The following CDH11 variants were observed in gnomAD, a reference collection of about 807,000 sequenced individuals.
CDH11 encodes cadherin 11, also known as cadherin-11.
Under a neutral mutation model 67.8 loss-of-function variants are expected in CDH11, and 11 were observed. The observed-to-expected ratio is 0.16, with a 90% CI of 0.10 to 0.27. The LOEUF is 0.27. CDH11 is among the 10% of genes least tolerant of loss of function. The pLI, the probability that CDH11 is intolerant of heterozygous loss-of-function variation, is 1.00. For missense variants in CDH11, 847 were observed against 1,031.2 expected, an observed-to-expected ratio of 0.82 and a Z score of 2.45; for synonymous variants, 419 against 400.0, an observed-to-expected ratio of 1.05 and a Z score of -0.57.
intron 1 of CDH11, among the ~76,000 whole-genome samples, chr16:65,096,769 T>C (rs1272720403): frequency 1.3e-5 from 2 of 152,028 alleles, no homozygotes; most frequent in Non-Finnish European, 2.9e-5. Flanking sequence ...TAATACCTTA[T>C]GTATATATTA....
At chr16:65,071,811 C>T (rs995982332) in intron 1 of CDH11, among the ~76,000 whole-genome samples, 13 of 152,098 alleles carry the variant, frequency 8.5e-5, no homozygotes, top group Middle Eastern at 3.2e-3. Flanking sequence ...TGACCCGAGC[C>T]GAAAGTACAG....
chr16:65,078,023 T>C (rs2074544836), intron 1 of CDH11, among the ~76,000 whole-genome samples: 1 of 152,230 alleles, frequency 6.6e-6, no homozygotes, highest in Admixed American at 6.5e-5. Flanking sequence ...CTCTGATTTG[T>C]GAACTATGAT....
intron 2 of CDH11, among the ~76,000 whole-genome samples, chr16:65,030,624 G>A (rs972345935): frequency 6.6e-6 from 1 of 152,196 alleles, no homozygotes; most frequent in African/African-American, 2.4e-5. Flanking sequence ...AGGCTGGAGT[G>A]GAGTGGGGCC....
chr16:65,008,754 T>A (rs923043693), intron 2 of CDH11, among the ~76,000 whole-genome samples: 6 of 152,136 alleles, frequency 3.9e-5, no homozygotes, highest in Non-Finnish European at 8.8e-5. Context: ...TTGAAGTTCA[T>A]AAGGAAATTA....
At chr16:65,028,339 A>G (rs2073573922) in intron 2 of CDH11, among the ~76,000 whole-genome samples, 1 of 151,954 alleles carries the variant, frequency 6.6e-6, no homozygotes, top group Non-Finnish European at 1.5e-5. Context: ...GGCAGAGGAG[A>G]GAGTAAATGT....
At chr16:65,078,017 G>C (rs984456738) in intron 1 of CDH11, among the ~76,000 whole-genome samples, 6 of 152,210 alleles carry the variant, frequency 3.9e-5, no homozygotes, top group African/African-American at 1.4e-4. Context: ...TTGATCCTCT[G>C]ATTTGTGAAC....
At chr16:65,096,443 G>GTATA (rs60633017) in intron 1 of CDH11, among the ~76,000 whole-genome samples, 102 of 138,442 alleles carry the variant, frequency 7.4e-4, no homozygotes, top group Middle Eastern at 3.7e-3. Flanking sequence ...GTGTGTGTGT[G>GTATA]TATATATATG....
chr16:65,108,008 C>T (rs2075093592), intron 1 of CDH11, among the ~76,000 whole-genome samples: 1 of 152,192 alleles, frequency 6.6e-6, no homozygotes. Context: ...CAATTGACCA[C>T]AAACTTGCTG....
At chr16:64,948,615 T>A (rs765789352) in intron 12 of CDH11, 1 of 1,611,016 alleles carries the variant, frequency 6.2e-7, no homozygotes, top group Admixed American at 1.7e-5. Flanking sequence ...TTACCGTAAG[T>A]GTGGTTGGAC....
At chr16:65,053,468 G>A (rs931516087) in intron 2 of CDH11, among the ~76,000 whole-genome samples, 1 of 152,158 alleles carries the variant, frequency 6.6e-6, no homozygotes, top group African/African-American at 2.4e-5. Context: ...AAAAGAAAAG[G>A]GGAAAAAAGC....
intron 1 of CDH11, chr16:65,118,699 T>A (rs1411168847): frequency 3.9e-5 from 6 of 152,158 alleles, no homozygotes; most frequent in Admixed American, 2.6e-4. Context: ...AAAAAAAAAC[T>A]TGAAAGTTCA....
chr16:64,987,126 G>A (rs552310292), intron 7 of CDH11: 3 of 152,246 alleles, frequency 2.0e-5, no homozygotes, highest in Admixed American at 1.3e-4. Flanking sequence ...TTCCAATTCC[G>A]ATTTAATGCT....
rs754116851 is a variant in CDH11, at chr16:64,947,592, T to G, written c.*11A>C. On this transcript the variant is annotated 3_prime_UTR_variant, in exon 13 of 13. Transcript: ENST00000268603. The stretch of plus-strand genomic sequence containing the variant: ...GACACAGTTCTTAAGGCCAAATTTG[T>G]ATCGTTATTGTTAAGAATCGTCATC... 1 of 1,597,444 alleles carries G rather than the reference T, an allele frequency of 6.3e-7. No homozygotes were observed. The highest frequency in any genetic ancestry group is 1.1e-5 in the South Asian group (1 of 90,328).
intron 2 of CDH11, among the ~76,000 whole-genome samples, chr16:65,039,959 T>G (rs914856494): frequency 6.6e-6 from 1 of 152,136 alleles, no homozygotes; most frequent in Non-Finnish European, 1.5e-5. Flanking sequence ...GTGAAAAAGT[T>G]CTCATCATCA....
At chr16:65,031,128 A>G (rs1041550563) in intron 2 of CDH11, among the ~76,000 whole-genome samples, 1 of 152,230 alleles carries the variant, frequency 6.6e-6, no homozygotes, top group African/African-American at 2.4e-5. Flanking sequence ...TATTAGGAGC[A>G]TGTACCACGC....
chr16:64,995,352 G>T (rs1273785417), intron 4 of CDH11, among the ~76,000 whole-genome samples: 1 of 152,102 alleles, frequency 6.6e-6, no homozygotes, highest in African/African-American at 2.4e-5. Flanking sequence ...ATACTACAAG[G>T]CTACAGTAAC....
intron 1 of CDH11, among the ~76,000 whole-genome samples, chr16:65,078,107 C>A (rs2074547225): frequency 6.6e-6 from 1 of 152,152 alleles, no homozygotes; most frequent in Non-Finnish European, 1.5e-5. Flanking sequence ...TAATCGCATC[C>A]TCTGTTAATT....
chr16:65,026,588 G>GT (rs1205320243), intron 2 of CDH11, among the ~76,000 whole-genome samples: 11 of 152,120 alleles, frequency 7.2e-5, no homozygotes, highest in Non-Finnish European at 1.6e-4. Flanking sequence ...AGTAAAACAT[G>GT]TTTTTTGCCC....
chr16:64,944,221 G>T lies in CDH11; in HGVS notation c.*3382C>A, dbSNP rs2071157177. 4.3e-6 allele frequency: 1 copy of T among 232,994 alleles called. No individual in the cohort carries two copies. The highest frequency in any genetic ancestry group is 2.2e-5 in the African/African-American group (1 of 45,330). The allele number at this position is 232,994 out of a possible 1,614,324, so 14.4% of individuals were successfully genotyped here. ...GTTGTGTGTTAAAAGTATCCCTCTG[G>T]CTTCTTTGTGAAGAGGAGGTTGGGA... On this transcript the variant is annotated 3_prime_UTR_variant, in exon 13 of 13. Transcript: ENST00000268603.
Sources: gnomAD v4.1 joint callset for allele counts (sites outside exome capture counted in the v4.1 genomes callset) on GRCh38, gnomAD v4.1.1 for gene constraint, MANE v1.5 for transcripts, NCBI Gene and HGNC (gene_info 2026-07-23, HGNC 2026-07-21) for gene names.